Variants in DNAH14 observed in about 807,000 individuals in gnomAD.
DNAH14 encodes the protein axonemal beta dynein heavy chain 14.
In DNAH14, 478 loss-of-function variants were observed where a neutral mutation model predicts 520.9. That is an observed-to-expected ratio of 0.92 (90% CI 0.85 to 0.99). DNAH14 has a LOEUF of 0.99. Ranked by LOEUF, DNAH14 falls within the 50% of genes least tolerant of loss-of-function variation. DNAH14 has a pLI of 0.00. For synonymous variants in DNAH14, 1,581 were observed against 1,757.2 expected (o/e 0.90, Z 2.51); for missense variants, 4,831 against 5,234.5 (o/e 0.92, Z 2.38).
intron 35 of DNAH14, among the ~76,000 whole-genome samples, chr1:225,165,884 C>A (rs1048026112): frequency 5.3e-4 from 81 of 152,128 alleles, no homozygotes; most frequent in African/African-American, 1.9e-3. Context: ...CGCGCATGGC[C>A]TCATATTTTT....
At chr1:225,295,651 C>T (rs775603306) in intron 55 of DNAH14, among the ~76,000 whole-genome samples, 23 of 152,126 alleles carry the variant, frequency 1.5e-4, no homozygotes, top group Non-Finnish European at 2.9e-4. Flanking sequence ...GTTATTGAGA[C>T]TTGTTTGTGT....
chr1:225,382,098 T>G (rs1203473571), intron 81 of DNAH14, among the ~76,000 whole-genome samples: 1 of 152,204 alleles, frequency 6.6e-6, no homozygotes. Context: ...AGCACTGGCC[T>G]TTTCCAGAAC....
intron 55 of DNAH14, among the ~76,000 whole-genome samples, chr1:225,299,280 T>G (rs1414231661): frequency 6.6e-6 from 1 of 152,222 alleles, no homozygotes; most frequent in Non-Finnish European, 1.5e-5. Context: ...ATTTACTCTT[T>G]TGTGACAAAA....
intron 1 of DNAH14, among the ~76,000 whole-genome samples, chr1:224,948,617 G>C (rs942087913): frequency 6.6e-6 from 1 of 151,182 alleles, no homozygotes; most frequent in Non-Finnish European, 1.5e-5. Context: ...TTTCTCTTTT[G>C]TTCTGACTCT....
chr1:225,156,743 C>T (rs1337047156), intron 34 of DNAH14, among the ~76,000 whole-genome samples: 1 of 99,652 alleles, frequency 1.0e-5, no homozygotes, highest in Admixed American at 1.5e-4. Flanking sequence ...GAGACGGAGT[C>T]TCGCTCTGTC....
Position 225,360,912 on chromosome 1 carries a change from T to C in DNAH14, c.11987+21T>C. ...GAATCGTAAGAGTTTTACATTTATC[T>C]GTAAGGGATCAGATTGGTTACCAAA... On this transcript the variant is annotated intron_variant, in intron 75 of 85. Transcript: ENST00000682510. The C allele has an allele frequency of 1.9e-6, 3 of 1,546,718 alleles. No homozygotes were observed. In the South Asian group the frequency reaches 3.6e-5, roughly 18 times the overall value.
chr1:224,933,456 A>G (rs777296228), intron 1 of DNAH14, among the ~76,000 whole-genome samples: 8 of 152,074 alleles, frequency 5.3e-5, no homozygotes, highest in Non-Finnish European at 1.0e-4. Context: ...TAGGACTTCC[A>G]GTATGAGGCT....
Position 225,301,025 on chromosome 1 carries a change from C to T in DNAH14, c.8626C>T (p.Gln2876Ter), listed in dbSNP as rs1422384395. 9.0e-6 allele frequency: 14 copies of T among 1,547,360 alleles called. No homozygotes were observed. Among genetic ancestry groups the T allele is most frequent in the Non-Finnish European group, 1.1e-5 (13 of 1,145,718 alleles). ...TAGGCAATCTTTACTTTCATTCTTT[C>T]AAAAGGTACTTTTTTGTGACTTGGC... Reference protein sequence around the residue: ...DNRQSLLSFFQKRIYKNLHIF... With the variant: ...DNRQSLLSFF Residue 2876 changes from glutamine to a stop codon, truncating the protein, a stop_gained, in exon 56 of 86, where the codon CAA becomes TAA. Transcript: ENST00000682510. LOFTEE classifies it high-confidence loss of function.
At chr1:224,964,832 A>C (rs917685395) in intron 5 of DNAH14, among the ~76,000 whole-genome samples, 14 of 152,166 alleles carry the variant, frequency 9.2e-5, no homozygotes, top group Non-Finnish European at 1.9e-4. Context: ...ATAACACATC[A>C]AAATGTTTAT....
intron 30 of DNAH14, 80 bp from the exon 31 acceptor site, chr1:225,147,024 A>G: frequency 8.7e-7 from 1 of 1,149,082 alleles, no homozygotes; most frequent in South Asian, 1.7e-5. Flanking sequence ...CATGGGGAGA[A>G]CACATACAAA....
chr1:225,118,456 C>A lies in DNAH14; in HGVS notation c.4091+457C>A, dbSNP rs189217606. Among the ~76,000 whole-genome samples the A allele has an allele frequency of 3.8e-3, 585 of 152,318 alleles. 3 individuals carry two copies. Among genetic ancestry groups the A allele is most frequent in the African/African-American group, 0.013 (555 of 41,570 alleles). ...ACTAGGTCCTTCCATTACACTGGTT[C>A]AATTTGCCAGCCCCAGCAAGGGCTC... On this transcript the variant is annotated intron_variant, in intron 25 of 85. Coordinates refer to ENST00000682510, the MANE Select transcript of DNAH14 (RefSeq NM_001367479.1).
chr1:225,074,477 G>A (rs916616986), intron 17 of DNAH14, among the ~76,000 whole-genome samples: 1 of 152,056 alleles, frequency 6.6e-6, no homozygotes, highest in East Asian at 1.9e-4. Flanking sequence ...CTCTGCCCCC[G>A]ATTGGCTTGG....
At chr1:224,997,153 C>T (rs1000156135) in intron 8 of DNAH14, among the ~76,000 whole-genome samples, 7 of 152,042 alleles carry the variant, frequency 4.6e-5, no homozygotes, top group Non-Finnish European at 7.4e-5. Flanking sequence ...AGGCTGGTTG[C>T]CATGGGCTCT....
intron 60 of DNAH14, among the ~76,000 whole-genome samples, chr1:225,316,434 C>T (rs2094468854): frequency 6.6e-6 from 1 of 152,148 alleles, no homozygotes; most frequent in Non-Finnish European, 1.5e-5. Flanking sequence ...TGGTGTCTGC[C>T]CAAACAGCCG....
intron 38 of DNAH14, among the ~76,000 whole-genome samples, chr1:225,198,130 T>C (rs1032177058): frequency 6.6e-5 from 10 of 152,178 alleles, no homozygotes; most frequent in African/African-American, 2.4e-4. Context: ...TCAGAAGGAA[T>C]GTTTTCAACT....
chr1:225,351,996 C>A, intron 72 of DNAH14, 113 bp downstream of exon 72: 1 of 781,946 alleles, frequency 1.3e-6, no homozygotes, highest in Non-Finnish European at 2.0e-6. Context: ...GAAGGGAGGA[C>A]TATAACTACA....
At chr1:224,941,765 A>G (rs1190335015) in intron 1 of DNAH14, among the ~76,000 whole-genome samples, 1 of 152,186 alleles carries the variant, frequency 6.6e-6, no homozygotes, top group Admixed American at 6.6e-5. Flanking sequence ...TTAAATAGGG[A>G]ATCCTTTCCC....
rs559401325 is a variant in DNAH14 at position 225,091,809 on chromosome 1, A to T, written c.3574-5309A>T. Among the ~76,000 whole-genome samples, 7 of 152,140 alleles carry T rather than the reference A, an allele frequency of 4.6e-5. No homozygotes were observed. In the South Asian group the frequency reaches 1.4e-3, roughly 32 times the overall value. ...AGTTGGATAAATAAGACCCAATAAC[A>T]TACTGTCTTCAAGAGACCCATCTTA... On this transcript the variant is annotated intron_variant, in intron 21 of 85. Transcript: ENST00000682510.
At chr1:224,953,540 C>T (rs1244524618) in intron 2 of DNAH14, among the ~76,000 whole-genome samples, 1 of 152,078 alleles carries the variant, frequency 6.6e-6, no homozygotes, top group Non-Finnish European at 1.5e-5. Context: ...TGACCTACAA[C>T]TATAAAAAAC....
Sources: gnomAD v4.1 joint callset for allele counts (sites outside exome capture counted in the v4.1 genomes callset) on GRCh38, gnomAD v4.1.1 for gene constraint, MANE v1.5 for transcripts, NCBI Gene and HGNC (gene_info 2026-07-23, HGNC 2026-07-21) for gene names.